The following NPAS3 variants were observed in gnomAD, a reference collection of about 807,000 sequenced individuals.
NPAS3 encodes the protein neuronal PAS domain protein 3, also known as neuronal PAS domain-containing protein 3.
A neutral mutation model predicts 73.1 loss-of-function variants in NPAS3; 14 were observed. The observed-to-expected ratio is 0.19, with a 90% CI of 0.13 to 0.30. The LOEUF (loss-of-function observed/expected upper bound fraction) is 0.30, where lower values mean the gene tolerates loss of function less well. NPAS3 is among the 10% of genes least tolerant of loss of function. The probability of loss-of-function intolerance (pLI) is 1.00; values close to 1 mark genes in which losing one functional copy is unlikely to be tolerated. For missense variants in NPAS3, 1,096 were observed against 1,250.0 expected, an observed-to-expected ratio of 0.88 and a Z score of 1.86; for synonymous variants, 620 against 541.5, an observed-to-expected ratio of 1.14 and a Z score of -2.01.
intron 5 of NPAS3, among the ~76,000 whole-genome samples, chr14:33,674,151 T>A (rs1366317510): frequency 6.6e-6 from 1 of 152,046 alleles, no homozygotes; most frequent in East Asian, 1.9e-4. Flanking sequence ...TCCGAGCAAA[T>A]CAGGATGTGG....
intron 3 of NPAS3, among the ~76,000 whole-genome samples, chr14:33,240,881 T>C (rs2048193310): frequency 6.6e-6 from 1 of 151,892 alleles, no homozygotes; most frequent in African/African-American, 2.4e-5. Flanking sequence ...CTTTGTGTTC[T>C]TTTTCATTTT....
At chr14:33,227,085 A>T (rs2047663714) in intron 3 of NPAS3, among the ~76,000 whole-genome samples, 1 of 152,212 alleles carries the variant, frequency 6.6e-6, no homozygotes, top group African/African-American at 2.4e-5. Context: ...AGACATATGA[A>T]AGGAAGCAGG....
chr14:33,375,877 T>C (rs1566845496), intron 4 of NPAS3, among the ~76,000 whole-genome samples: 1 of 152,208 alleles, frequency 6.6e-6, no homozygotes, highest in Non-Finnish European at 1.5e-5. Context: ...CAAACTAACA[T>C]CAGAGTAGTC....
At chr14:33,735,725 T>C (rs189291061) in intron 7 of NPAS3, among the ~76,000 whole-genome samples, 312 of 152,152 alleles carry the variant, frequency 2.1e-3, no homozygotes, top group African/African-American at 7.2e-3. Flanking sequence ...TCCCTTTCTC[T>C]TTACAGAAAG....
chr14:33,559,707 A>T (rs538711560), intron 4 of NPAS3, among the ~76,000 whole-genome samples: 53 of 152,366 alleles, frequency 3.5e-4, no homozygotes, highest in South Asian at 2.5e-3. Context: ...TTCGTTAAAC[A>T]TGGAGAAAAG....
intron 2 of NPAS3, among the ~76,000 whole-genome samples, chr14:33,062,743 G>A (rs565102547): frequency 9.8e-5 from 15 of 152,304 alleles, no homozygotes; most frequent in South Asian, 2.1e-4. Flanking sequence ...GAACAGCGGC[G>A]TTCAAAAATC....
intron 2 of NPAS3, among the ~76,000 whole-genome samples, chr14:33,136,434 C>T (rs2043842020): frequency 6.6e-6 from 1 of 152,266 alleles, no homozygotes; most frequent in African/African-American, 2.4e-5. Flanking sequence ...CCATGATAAC[C>T]TTTAACACAT....
chr14:33,596,468 G>C (rs1433233807), intron 5 of NPAS3, among the ~76,000 whole-genome samples: 3 of 152,198 alleles, frequency 2.0e-5, no homozygotes, highest in Non-Finnish European at 4.4e-5. Flanking sequence ...GGAACTAATG[G>C]AGACAGATGG....
At chr14:33,098,004 T>C (rs1385934686) in intron 2 of NPAS3, among the ~76,000 whole-genome samples, 1 of 152,236 alleles carries the variant, frequency 6.6e-6, no homozygotes, top group Non-Finnish European at 1.5e-5. Flanking sequence ...CTCTTAACTT[T>C]AATATAGTGC....
intron 4 of NPAS3, among the ~76,000 whole-genome samples, chr14:33,518,612 G>A (rs76621717): frequency 1.7e-5 from 1 of 59,410 alleles, no homozygotes; most frequent in Non-Finnish European, 3.9e-5. Context: ...TTTTTTTTTG[G>A]CATGTTACCA....
chr14:33,699,931 T>A (rs1226828345), intron 6 of NPAS3, among the ~76,000 whole-genome samples: 1 of 152,158 alleles, frequency 6.6e-6, no homozygotes, highest in Non-Finnish European at 1.5e-5. Context: ...TGCTATTGGA[T>A]CCTTCCTCTG....
chr14:33,273,471 A>G (rs1232806926), intron 3 of NPAS3, among the ~76,000 whole-genome samples: 1 of 152,266 alleles, frequency 6.6e-6, no homozygotes, highest in South Asian at 2.1e-4. Context: ...TTTCTTATCT[A>G]TAAATTGGAA....
chr14:33,005,576 C>T (rs540674856), intron 1 of NPAS3, among the ~76,000 whole-genome samples: 65 of 152,252 alleles, frequency 4.3e-4, no homozygotes, highest in African/African-American at 1.5e-3. Context: ...GGAAGGCATC[C>T]TTCTAGAGGA....
chr14:33,765,765 A>G (rs1423834191), intron 7 of NPAS3, among the ~76,000 whole-genome samples: 2 of 152,096 alleles, frequency 1.3e-5, no homozygotes, highest in South Asian at 2.1e-4. Context: ...CTCTCAATTC[A>G]TTCTGCTCTC....
intron 2 of NPAS3, among the ~76,000 whole-genome samples, chr14:33,132,376 T>C (rs1252796742): frequency 6.6e-6 from 1 of 152,114 alleles, no homozygotes; most frequent in Non-Finnish European, 1.5e-5. Flanking sequence ...CCAGATGATT[T>C]TGGATTTTCG....
chr14:33,388,374 G>A (rs1055945446), intron 4 of NPAS3, among the ~76,000 whole-genome samples: 1 of 152,054 alleles, frequency 6.6e-6, no homozygotes, highest in Non-Finnish European at 1.5e-5. Context: ...AGTATAGAGA[G>A]AATGTCAGTC....
At chr14:33,697,690 T>C (rs540260090) in intron 6 of NPAS3, among the ~76,000 whole-genome samples, 4 of 152,326 alleles carry the variant, frequency 2.6e-5, no homozygotes, top group Non-Finnish European at 4.4e-5. Context: ...TTGTAACTTA[T>C]CTGCTGACTG....
intron 6 of NPAS3, among the ~76,000 whole-genome samples, chr14:33,728,747 A>T (rs1237027343): frequency 9.2e-5 from 14 of 152,340 alleles, no homozygotes; most frequent in African/African-American, 3.1e-4. Flanking sequence ...AGAACAAAGT[A>T]TTCTCTAATT....
At chr14:32,945,004 C>CGTGCCAGGTA (rs979031273) in intron 1 of NPAS3, among the ~76,000 whole-genome samples, 4 of 152,098 alleles carry the variant, frequency 2.6e-5, no homozygotes, top group African/African-American at 9.7e-5. Context: ...CGTGGTTATG[C>CGTGCCAGGTA]GTGCCAGGTA....
Sources: allele counts gnomAD v4.1 joint callset (sites outside exome capture counted in the v4.1 genomes callset), GRCh38; gene constraint gnomAD v4.1.1; transcripts MANE v1.5; gene names NCBI Gene and HGNC (gene_info 2026-07-23, HGNC 2026-07-21).